Variants in GALNT13 observed in about 807,000 individuals in gnomAD.
The protein encoded by GALNT13 is UDP-GalNAc:polypeptide N-acetylgalactosaminyltransferase 13.
GALNT13 carries 28 observed loss-of-function variants against 64.2 expected under a neutral mutation model. That is an observed-to-expected ratio of 0.44 (90% CI 0.32 to 0.60). The LOEUF (loss-of-function observed/expected upper bound fraction) is 0.60, where lower values mean the gene tolerates loss of function less well. Among genes scored for constraint, GALNT13 ranks in the 20% least tolerant of loss-of-function variants. The pLI is 0.05. For missense variants in GALNT13, 577 were observed against 669.8 expected (o/e 0.86, Z 1.53); for synonymous variants, 214 against 224.6 (o/e 0.95, Z 0.42).
chr2:154,242,823 C>A lies in GALNT13; in HGVS notation c.604C>A (p.Gln202Lys). The change falls in exon 6 of 13, where the codon CAG (glutamine) becomes AAG (lysine). Residue 202 changes from glutamine to lysine, a missense_variant. Physicochemically the swap from Gln to Lys is moderately conservative, Grantham distance 53 (BLOSUM62 1). This residue lies in a region of GALNT13 where 341 missense variants were observed against 379.3 expected (regional missense o/e 0.90). Transcript: ENST00000392825. ...RLRGAAASKGQVITFLDAHCE... is the reference protein window; with the variant it reads ...RLRGAAASKGKVITFLDAHCE... ...TCGAGGAGCAGCTGCTTCAAAAGGG[C>A]AGGTCATAACTTTTCTTGATGCACA... 6.2e-7 allele frequency: 1 copy of A among 1,614,128 alleles called. No individual in the cohort carries two copies. The highest frequency in any genetic ancestry group is 8.5e-7 in the Non-Finnish European group (1 of 1,179,996).
chr2:153,548,510 G>A, the GALNT13 span, among the ~76,000 whole-genome samples: 1 of 152,154 alleles, frequency 6.6e-6, no homozygotes, highest in Non-Finnish European at 1.5e-5. Flanking sequence ...ACCCGAACAG[G>A]AGCCACTGTC....
chr2:153,971,353 ATTCT>A (rs1264422175), intron 3 of GALNT13, among the ~76,000 whole-genome samples: 1 of 151,996 alleles, frequency 6.6e-6, no homozygotes, highest in Non-Finnish European at 1.5e-5. Context: ...ACTTATTTAC[ATTCT>A]TTCTTTTCTA....
chr2:153,205,130 A>G, the GALNT13 span, among the ~76,000 whole-genome samples: 1 of 152,052 alleles, frequency 6.6e-6, no homozygotes, highest in African/African-American at 2.4e-5. Context: ...TTTACTGAAC[A>G]AACTTACTGC....
At chr2:153,189,478 A>G in the GALNT13 span, among the ~76,000 whole-genome samples, 5 of 152,158 alleles carry the variant, frequency 3.3e-5, no homozygotes, top group African/African-American at 1.2e-4. Context: ...AATAAACCAC[A>G]TTTTCTTTCT....
intron 2 of GALNT13, among the ~76,000 whole-genome samples, chr2:153,920,595 C>T (rs1689686875): frequency 6.6e-6 from 1 of 152,008 alleles, no homozygotes; most frequent in Admixed American, 6.6e-5. Context: ...TAACAAAGAT[C>T]CCAAAACCAC....
At chr2:154,345,054 C>A (rs1204176393) in intron 9 of GALNT13, among the ~76,000 whole-genome samples, 1 of 151,934 alleles carries the variant, frequency 6.6e-6, no homozygotes, top group East Asian at 1.9e-4. Flanking sequence ...GCCTTAGGAT[C>A]CACTATATGG....
At chr2:153,400,876 G>C in the GALNT13 span, among the ~76,000 whole-genome samples, 1 of 151,984 alleles carries the variant, frequency 6.6e-6, no homozygotes, top group Non-Finnish European at 1.5e-5. Context: ...CAAAAAACCA[G>C]CTCCTGGATT....
chr2:153,166,617 CTGCATGTGTGTGTG>C, the GALNT13 span, among the ~76,000 whole-genome samples: 23 of 100,972 alleles, frequency 2.3e-4, no homozygotes, highest in African/African-American at 9.6e-4. Flanking sequence ...TCTTTGCCTA[CTGCATGTGTGTGTG>C]TGTGTGTGTG....
the GALNT13 span, among the ~76,000 whole-genome samples, chr2:153,523,906 A>G: frequency 1.3e-5 from 2 of 152,144 alleles, no homozygotes; most frequent in Non-Finnish European, 2.9e-5. Context: ...GTTTCTCACT[A>G]TTAAGTATGA....
At chr2:153,970,354 GT>G (rs1383940113) in intron 3 of GALNT13, among the ~76,000 whole-genome samples, 3 of 152,028 alleles carry the variant, frequency 2.0e-5, no homozygotes, top group Admixed American at 6.6e-5. Context: ...TTTGTTACTT[GT>G]CTTAGAGGCT....
Position 154,063,064 on chromosome 2 carries a change from C to T in GALNT13, c.143-77273C>T, listed in dbSNP as rs535159810. On this transcript the variant is annotated intron_variant, in intron 3 of 12. Transcript: ENST00000392825. The stretch of plus-strand genomic sequence containing the variant: ...TTCTTATTTATTTCTTTATTTTTTA[C>T]AGAAGGGTGTTGGGGAGAGGAAAGA... Among the ~76,000 whole-genome samples, 3 of 151,950 alleles carry T rather than the reference C, an allele frequency of 2.0e-5. No individual in the cohort carries two copies. The South Asian group carries it at 6.2e-4, about 32-fold the overall frequency.
At chr2:153,305,412 T>G in the GALNT13 span, among the ~76,000 whole-genome samples, 3 of 152,304 alleles carry the variant, frequency 2.0e-5, no homozygotes, top group East Asian at 5.8e-4. Flanking sequence ...ATCTGCACAC[T>G]GTGCTATTGG....
At chr2:153,923,065 A>T (rs1689864142) in intron 2 of GALNT13, among the ~76,000 whole-genome samples, 1 of 151,802 alleles carries the variant, frequency 6.6e-6, no homozygotes, top group African/African-American at 2.4e-5. Context: ...GTGCTTGGCT[A>T]ATTTTTGTAT....
intron 9 of GALNT13, among the ~76,000 whole-genome samples, chr2:154,363,482 C>T (rs1469555682): frequency 6.6e-6 from 1 of 152,098 alleles, no homozygotes; most frequent in African/African-American, 2.4e-5. Flanking sequence ...ATTGCACGAC[C>T]TTTTCTTAAA....
intron 9 of GALNT13, among the ~76,000 whole-genome samples, chr2:154,314,364 T>C (rs1574073161): frequency 6.6e-6 from 1 of 152,336 alleles, no homozygotes; most frequent in East Asian, 1.9e-4. Context: ...TGCAGATTTC[T>C]TATCTCTCAT....
chr2:153,301,649 C>T, the GALNT13 span, among the ~76,000 whole-genome samples: 19 of 152,082 alleles, frequency 1.2e-4, no homozygotes, highest in Non-Finnish European at 2.5e-4. Context: ...ACTTATTCTT[C>T]CTGTGTAACA....
chr2:153,721,050 G>A, the GALNT13 span, among the ~76,000 whole-genome samples: 3 of 151,410 alleles, frequency 2.0e-5, no homozygotes. Flanking sequence ...AATGTTAAGG[G>A]CAGCCAGAGA....
the GALNT13 span, among the ~76,000 whole-genome samples, chr2:153,430,840 A>G: frequency 0.024 from 3,667 of 152,160 alleles, 87 homozygotes; most frequent in South Asian, 0.081. Flanking sequence ...ATTTAGGATT[A>G]TAAGAGGAAT....
chr2:153,110,327 A>G, the GALNT13 span, among the ~76,000 whole-genome samples: 12 of 152,214 alleles, frequency 7.9e-5, no homozygotes, highest in Admixed American at 3.3e-4. Flanking sequence ...GTATAGATCT[A>G]TTTTCATGAG....
Sources: gnomAD v4.1 joint callset for allele counts (sites outside exome capture counted in the v4.1 genomes callset) on GRCh38, gnomAD v4.1.1 for gene constraint, gnomAD v4.1.1 regional missense constraint, MANE v1.5 for transcripts, NCBI Gene and HGNC (gene_info 2026-07-23, HGNC 2026-07-21) for gene names.